NRXN3: variants seen among roughly 807,000 people sequenced by gnomAD.
NRXN3 encodes neurexin III.
NRXN3 carries 32 observed loss-of-function variants against 137.6 expected under a neutral mutation model. The observed-to-expected ratio is 0.23, with a 90% confidence interval of 0.18 to 0.31. NRXN3 has a LOEUF of 0.31. Ranked by LOEUF, NRXN3 falls within the 10% of genes least tolerant of loss-of-function variation. The pLI is 1.00. For missense variants in NRXN3, 1,574 were observed against 2,062.5 expected, an observed-to-expected ratio of 0.76 and a Z score of 4.59; for synonymous variants, 798 against 784.5, an observed-to-expected ratio of 1.02 and a Z score of -0.29.
At chr14:78,184,731 C>T (rs2060087351) in intron 1 of NRXN3, among the ~76,000 whole-genome samples, 1 of 152,136 alleles carries the variant, frequency 6.6e-6, no homozygotes, top group Admixed American at 6.5e-5. Flanking sequence ...AGATGAGGAC[C>T]AGGAGTGGCT....
At chr14:79,816,609 C>T (rs545320233) in intron 20 of NRXN3, among the ~76,000 whole-genome samples, 1 of 152,282 alleles carries the variant, frequency 6.6e-6, no homozygotes, top group African/African-American at 2.4e-5. Context: ...TATTCTGTCC[C>T]TTGAGCTTTG....
intron 15 of NRXN3, among the ~76,000 whole-genome samples, chr14:79,424,242 TATTC>T (rs2068175127): frequency 1.3e-5 from 2 of 152,166 alleles, no homozygotes; most frequent in Admixed American, 1.3e-4. Context: ...TTAAGACAAA[TATTC>T]ATTAAAACAA....
At chr14:78,348,338 C>G (rs2083019403) in intron 4 of NRXN3, among the ~76,000 whole-genome samples, 1 of 152,116 alleles carries the variant, frequency 6.6e-6, no homozygotes, top group Admixed American at 6.5e-5. Flanking sequence ...TGAATCTGAC[C>G]CCTCCATTTG....
intron 20 of NRXN3, among the ~76,000 whole-genome samples, chr14:79,847,527 T>G (rs2099381876): frequency 6.6e-6 from 1 of 152,280 alleles, no homozygotes; most frequent in Admixed American, 6.5e-5. Flanking sequence ...CTCACTTTTC[T>G]TATTCAAAAA....
In NRXN3 at chr14:78,271,939, A is replaced by G. The variant is rs953349866; in HGVS notation, c.710-6706A>G. Among the ~76,000 whole-genome samples, 4 of 152,164 alleles carry G rather than the reference A, an allele frequency of 2.6e-5. No individual in the cohort carries two copies. The South Asian group carries it at 6.2e-4, about 24-fold the overall frequency. ...GAAAGAGCCCTAGAACGAAGGAAACAACCTCCTCACTGCTGGAAGTTTGCT... is the reference window on the plus strand; with the variant it reads ...GAAAGAGCCCTAGAACGAAGGAAACGACCTCCTCACTGCTGGAAGTTTGCT... On this transcript the variant is annotated intron_variant, in intron 2 of 20. Coordinates refer to ENST00000335750, the MANE Select transcript of NRXN3 (RefSeq NM_001330195.2).
intron 15 of NRXN3, among the ~76,000 whole-genome samples, chr14:79,360,274 T>G (rs1439073339): frequency 6.6e-5 from 10 of 152,226 alleles, no homozygotes; most frequent in African/African-American, 2.2e-4. Context: ...AAGTCACATC[T>G]TTAAGGATAT....
chr14:78,801,203 C>A (rs1219112695), intron 8 of NRXN3, among the ~76,000 whole-genome samples: 1 of 152,116 alleles, frequency 6.6e-6, no homozygotes, highest in Non-Finnish European at 1.5e-5. Context: ...TGCCTGTAGT[C>A]CCAGCTACTT....
intron 15 of NRXN3, among the ~76,000 whole-genome samples, chr14:79,053,144 C>A (rs2152575993): frequency 6.6e-6 from 1 of 152,258 alleles, no homozygotes; most frequent in Admixed American, 6.5e-5. Context: ...ATGCTATTCT[C>A]ATGTGCATTA....
chr14:79,763,449 G>T (rs1435283690), intron 19 of NRXN3, among the ~76,000 whole-genome samples: 2 of 76,380 alleles, frequency 2.6e-5, no homozygotes, highest in Non-Finnish European at 6.3e-5. Context: ...TGGATCAATT[G>T]TTTTTAAGGA....
At chr14:79,569,204 T>C (rs1172630319) in intron 16 of NRXN3, among the ~76,000 whole-genome samples, 1 of 152,066 alleles carries the variant, frequency 6.6e-6, no homozygotes, top group East Asian at 1.9e-4. Flanking sequence ...AGATTAATAC[T>C]AACCTCCTAC....
chr14:78,510,857 A>G (rs1289946148), intron 4 of NRXN3, among the ~76,000 whole-genome samples: 2 of 152,246 alleles, frequency 1.3e-5, no homozygotes, highest in Admixed American at 6.5e-5. Flanking sequence ...TTACCTTGAT[A>G]GTAACTTCCA....
intron 15 of NRXN3, among the ~76,000 whole-genome samples, chr14:79,066,857 G>A (rs112974988): frequency 0.028 from 4,297 of 152,182 alleles, 201 homozygotes; most frequent in African/African-American, 0.098. Context: ...AGCTTACGAA[G>A]CCTTTGAGCT....
At chr14:79,747,140 G>A (rs1395243358) in intron 19 of NRXN3, among the ~76,000 whole-genome samples, 1 of 151,942 alleles carries the variant, frequency 6.6e-6, no homozygotes, top group Non-Finnish European at 1.5e-5. Context: ...ATATATAAAT[G>A]TCAGAAAAGC....
At chr14:79,422,133 C>T (rs1320635471) in intron 15 of NRXN3, among the ~76,000 whole-genome samples, 4 of 152,158 alleles carry the variant, frequency 2.6e-5, no homozygotes. Flanking sequence ...GAGCATGGCT[C>T]ACTGTAGCCT....
At chr14:79,583,782 A>G (rs543645326) in intron 16 of NRXN3, among the ~76,000 whole-genome samples, 209 of 152,286 alleles carry the variant, frequency 1.4e-3, no homozygotes, top group African/African-American at 4.8e-3. Context: ...GAATACTGAG[A>G]TTGTGCAAAA....
intron 4 of NRXN3, among the ~76,000 whole-genome samples, chr14:78,357,089 A>T (rs904166773): frequency 2.0e-5 from 3 of 152,128 alleles, no homozygotes; most frequent in African/African-American, 7.2e-5. Context: ...GGGGTGTATT[A>T]GTCAGTTTTC....
At chr14:78,717,462 C>A (rs192509326) in intron 8 of NRXN3, among the ~76,000 whole-genome samples, 1 of 152,138 alleles carries the variant, frequency 6.6e-6, no homozygotes, top group African/African-American at 2.4e-5. Context: ...AAATCCCAGA[C>A]GGTTCAACTG....
chr14:78,543,217 C>A (rs565613816), intron 4 of NRXN3, among the ~76,000 whole-genome samples: 3 of 152,196 alleles, frequency 2.0e-5, no homozygotes, highest in African/African-American at 4.8e-5. Flanking sequence ...TTCCTATAAT[C>A]TCTAAATTTG....
intron 8 of NRXN3, among the ~76,000 whole-genome samples, chr14:78,728,256 G>T (rs889547790): frequency 6.6e-6 from 1 of 152,090 alleles, no homozygotes; most frequent in African/African-American, 2.4e-5. Context: ...ACATGTAATC[G>T]TCCCTTTATT....
Sources: gnomAD v4.1 joint callset for allele counts (sites outside exome capture counted in the v4.1 genomes callset) on GRCh38, gnomAD v4.1.1 for gene constraint, MANE v1.5 for transcripts, NCBI Gene and HGNC (gene_info 2026-07-23, HGNC 2026-07-21) for gene names.